The following NCOA1 variants were observed in gnomAD, a reference collection of about 807,000 sequenced individuals.
The protein encoded by NCOA1 is nuclear receptor coactivator 1.
NCOA1 carries 35 observed loss-of-function variants against 150.9 expected under a neutral mutation model. That is an observed-to-expected ratio of 0.23 (90% CI 0.18 to 0.31). The LOEUF is 0.31. Among genes scored for constraint, NCOA1 ranks in the 10% least tolerant of loss-of-function variants. The pLI is 1.00. For synonymous variants in NCOA1, 590 were observed against 630.0 expected (o/e 0.94, Z 0.95); for missense variants, 1,491 against 1,749.3 (o/e 0.85, Z 2.63).
At chr2:24,699,959 ACTT>A (rs1409573358) in intron 11 of NCOA1, among the ~76,000 whole-genome samples, 1 of 152,128 alleles carries the variant, frequency 6.6e-6, no homozygotes, top group African/African-American at 2.4e-5. Context: ...AGCCTAATCA[ACTT>A]GGAGAAACCC....
intron 5 of NCOA1, among the ~76,000 whole-genome samples, chr2:24,660,256 T>C (rs939558479): frequency 6.6e-6 from 1 of 152,172 alleles, no homozygotes; most frequent in Non-Finnish European, 1.5e-5. Flanking sequence ...ACATTTAATT[T>C]TTTGTTTGGG....
At chr2:24,507,509 A>G (rs564003235) in intron 1 of NCOA1, among the ~76,000 whole-genome samples, 2 of 150,088 alleles carry the variant, frequency 1.3e-5, no homozygotes, top group Non-Finnish European at 2.9e-5. Flanking sequence ...ATTTTGATAC[A>G]TGCATACAAT....
intron 7 of NCOA1, among the ~76,000 whole-genome samples, chr2:24,675,802 G>A (rs1272591499): frequency 6.6e-6 from 1 of 152,098 alleles, no homozygotes; most frequent in East Asian, 1.9e-4. Flanking sequence ...GGAGAATCAC[G>A]TGAACCTGTG....
rs1665227678 is a variant in NCOA1 at position 24,769,585 on chromosome 2, C to G, written c.*1194C>G. ...CTTGTACAGAGAAAAAATTAATACT[C>G]AAAGGAAATCTTCATTTTTTAGATT... is the stretch of plus-strand genomic sequence containing the variant. On this transcript the variant is annotated 3_prime_UTR_variant, in exon 23 of 23. Coordinates refer to ENST00000348332, the MANE Select transcript of NCOA1 (RefSeq NM_003743.5). 1 of 203,560 alleles carries G rather than the reference C, an allele frequency of 4.9e-6. No individual in the cohort carries two copies. Among genetic ancestry groups the G allele is most frequent in the Non-Finnish European group, 1.0e-5 (1 of 98,980 alleles). The allele number at this position is 203,560 out of a possible 1,614,324, so 12.6% of individuals were successfully genotyped here.
chr2:24,715,563 C>T (rs532713709), intron 14 of NCOA1, among the ~76,000 whole-genome samples: 1 of 152,232 alleles, frequency 6.6e-6, no homozygotes, highest in African/African-American at 2.4e-5. Context: ...AATATGTGTA[C>T]TCAGTATTTT....
intron 14 of NCOA1, among the ~76,000 whole-genome samples, chr2:24,725,339 A>T (rs1287554464): frequency 1.4e-4 from 21 of 152,146 alleles, no homozygotes; most frequent in Admixed American, 1.1e-3. Flanking sequence ...TGGAAGCCTA[A>T]AGTAGTTTTG....
intron 2 of NCOA1, among the ~76,000 whole-genome samples, chr2:24,572,246 G>C (rs1297084848): frequency 4.6e-5 from 7 of 152,122 alleles, no homozygotes; most frequent in Non-Finnish European, 1.0e-4. Context: ...GGTAAAACTT[G>C]ATAATGTGTT....
At chr2:24,707,990 A>G (rs1439603008) in intron 13 of NCOA1, 102 bp downstream of exon 13, 2 of 1,377,632 alleles carry the variant, frequency 1.5e-6, no homozygotes, top group South Asian at 1.6e-5. Context: ...ACTATGTTTT[A>G]TCCTATCCAT....
rs147258668 is a variant in NCOA1, at chr2:24,547,764, G to A, written c.-395-16531G>A. 3.6e-3 allele frequency among the ~76,000 whole-genome samples: 549 copies of A among 152,022 alleles called. 4 individuals carry two copies. Among genetic ancestry groups the A allele is most frequent in the African/African-American group, 0.013 (521 of 41,472 alleles). On this transcript the variant is annotated intron_variant, in intron 1 of 22. Coordinates refer to ENST00000348332, the MANE Select transcript of NCOA1 (RefSeq NM_003743.5). ...AACACTTTAGGAGGCCGAGGTGGGC[G>A]GATCATGAGCTCAGGAGATCAAGAC...
chr2:24,749,627 C>G (rs1190487987), intron 19 of NCOA1, among the ~76,000 whole-genome samples: 1 of 152,164 alleles, frequency 6.6e-6, no homozygotes, highest in Non-Finnish European at 1.5e-5. Flanking sequence ...AAACTCTGCT[C>G]TTGTCTCATT....
chr2:24,645,010 T>C (rs1172986067), intron 4 of NCOA1, among the ~76,000 whole-genome samples: 1 of 152,086 alleles, frequency 6.6e-6, no homozygotes, highest in Non-Finnish European at 1.5e-5. Context: ...TGTGGGGTTT[T>C]ATAGATCACT....
At chr2:24,601,672 G>A (rs1280789413) in intron 3 of NCOA1, among the ~76,000 whole-genome samples, 2 of 144,982 alleles carry the variant, frequency 1.4e-5, no homozygotes, top group Admixed American at 7.0e-5. Context: ...TCGCTCTGTC[G>A]CCCAGGCTAG....
chr2:24,545,276 T>A (rs928824366), intron 1 of NCOA1, among the ~76,000 whole-genome samples: 1 of 144,728 alleles, frequency 6.9e-6, no homozygotes, highest in Non-Finnish European at 1.5e-5. Flanking sequence ...TAAGAAAATA[T>A]GCAAAATGCA....
At chr2:24,504,266 A>T (rs1444393139) in intron 1 of NCOA1, among the ~76,000 whole-genome samples, 1 of 152,236 alleles carries the variant, frequency 6.6e-6, no homozygotes. Flanking sequence ...ATGGAACATG[A>T]TAAAAGCGTT....
intron 5 of NCOA1, among the ~76,000 whole-genome samples, chr2:24,662,785 AT>A (rs746278666): frequency 3.1e-3 from 447 of 142,466 alleles, no homozygotes; most frequent in African/African-American, 4.0e-3. Flanking sequence ...GGGCCTGTGC[AT>A]TTTTTTTTTT....
At position 24,653,830 on chromosome 2, in the gene NCOA1, A is replaced by T. The variant is rs55722417; in HGVS notation, c.-17-4831A>T. On this transcript the variant is annotated intron_variant, in intron 4 of 22. Transcript: ENST00000348332. ...AAAAAATGGCCCCTGAACATGAAGT[A>T]AGCGTTAGCCAACTCTTTTCTTTTG... Among the ~76,000 whole-genome samples the T allele has an allele frequency of 5.7e-4, 87 of 152,284 alleles. 1 individual carries two copies. Among genetic ancestry groups the T allele is most frequent in the African/African-American group, 2.0e-3 (82 of 41,576 alleles).
chr2:24,733,997 C>CA (rs1663157221), intron 17 of NCOA1, among the ~76,000 whole-genome samples: 2 of 151,908 alleles, frequency 1.3e-5, no homozygotes, highest in African/African-American at 4.8e-5. Flanking sequence ...CCAGCCTGGC[C>CA]AACATGGTGA....
chr2:24,541,473 ACT>A (rs899672715), intron 1 of NCOA1, among the ~76,000 whole-genome samples: 7 of 152,180 alleles, frequency 4.6e-5, no homozygotes, highest in African/African-American at 1.7e-4. Flanking sequence ...GAAAAATAAA[ACT>A]CTCTTTTATA....
chr2:24,765,459 A>C (rs891618294), intron 22 of NCOA1, among the ~76,000 whole-genome samples: 8 of 151,798 alleles, frequency 5.3e-5, no homozygotes, highest in Non-Finnish European at 1.0e-4. Context: ...AGATCGTGCC[A>C]CTGCACTCCA....
Sources: allele counts gnomAD v4.1 joint callset (sites outside exome capture counted in the v4.1 genomes callset), GRCh38; gene constraint gnomAD v4.1.1; transcripts MANE v1.5; gene names NCBI Gene and HGNC (gene_info 2026-07-23, HGNC 2026-07-21).